The following ZFR variants were observed in gnomAD, a reference collection of about 807,000 sequenced individuals.
ZFR encodes zinc finger RNA-binding protein.
In ZFR, 19 loss-of-function variants were observed where a neutral mutation model predicts 130.7. The ratio of observed to expected loss-of-function variants is 0.15; its 90% CI spans 0.10 to 0.21. ZFR has a LOEUF of 0.21. Among genes scored for constraint, ZFR ranks in the 10% least tolerant of loss-of-function variants. The pLI is 1.00. For missense variants in ZFR, 872 were observed against 1,321.5 expected (o/e 0.66, Z 5.27); for synonymous variants, 466 against 456.9 (o/e 1.02, Z -0.25).
In ZFR at chr5:32,398,297, T is replaced by C. The variant is rs980441585; in HGVS notation, c.1714-959A>G. 3.3e-5 allele frequency among the ~76,000 whole-genome samples: 5 copies of C among 152,232 alleles called. No homozygotes were observed. In the South Asian group the frequency reaches 6.2e-4, roughly 19 times the overall value. ...TGAAAATGAAGATAACGACGAATAA[T>C]AGCATTATTTTGGTATACAAAATTT... On this transcript the variant is annotated intron_variant, in intron 9 of 19. Coordinates refer to ENST00000265069, the MANE Select transcript of ZFR (RefSeq NM_016107.5).
intron 2 of ZFR, 88 bp from the exon 3 acceptor site, chr5:32,420,191 A>G: frequency 7.5e-7 from 1 of 1,334,184 alleles, no homozygotes; most frequent in Non-Finnish European, 9.7e-7. Flanking sequence ...CAACTGAAAT[A>G]AAAAGCACAT....
At chr5:32,421,087 C>T (rs952495629) in intron 2 of ZFR, among the ~76,000 whole-genome samples, 1 of 152,134 alleles carries the variant, frequency 6.6e-6, no homozygotes, top group Non-Finnish European at 1.5e-5. Context: ...AACTTTTAAA[C>T]TGAAAGCCTA....
chr5:32,400,338 T>C, intron 8 of ZFR, 135 bp from the exon 9 acceptor site: 2 of 607,360 alleles, frequency 3.3e-6, no homozygotes, highest in East Asian at 6.4e-5. Context: ...GATGAGAATT[T>C]TGAAGAACTA....
intron 17 of ZFR, among the ~76,000 whole-genome samples, chr5:32,376,893 C>T (rs1319428488): frequency 2.0e-5 from 3 of 150,254 alleles, no homozygotes; most frequent in Non-Finnish European, 3.0e-5. Flanking sequence ...GCAGGAGAAT[C>T]GCTTGAACCC....
intron 9 of ZFR, 82 bp from the exon 10 acceptor site, chr5:32,397,420 T>C (rs1753338958): frequency 5.3e-6 from 8 of 1,515,276 alleles, no homozygotes; most frequent in Non-Finnish European, 7.1e-6. Context: ...TTTGATGAAG[T>C]TGTACACAGT....
chr5:32,372,085 G>A (rs1468185569), intron 17 of ZFR, among the ~76,000 whole-genome samples: 1 of 152,196 alleles, frequency 6.6e-6, no homozygotes, highest in Non-Finnish European at 1.5e-5. Context: ...GAGTGCCATA[G>A]TATATTTGAT....
intron 19 of ZFR, among the ~76,000 whole-genome samples, chr5:32,359,354 T>C (rs2330955): frequency 0.28 from 42,848 of 151,816 alleles, 6,718 homozygotes; most frequent in Middle Eastern, 0.44. Flanking sequence ...TGTCAGTGTA[T>C]TTTATGCATG....
At chr5:32,382,166 C>T (rs988851810) in intron 15 of ZFR, among the ~76,000 whole-genome samples, 2 of 151,976 alleles carry the variant, frequency 1.3e-5, no homozygotes, top group African/African-American at 2.4e-5. Context: ...AGCTGGGTGT[C>T]GTGGCACATG....
intron 5 of ZFR, among the ~76,000 whole-genome samples, chr5:32,410,901 T>C (rs1288072737): frequency 6.6e-6 from 1 of 152,194 alleles, no homozygotes; most frequent in Non-Finnish European, 1.5e-5. Flanking sequence ...AAACAGATAC[T>C]TTATAACTGT....
intron 5 of ZFR, among the ~76,000 whole-genome samples, chr5:32,408,953 C>T (rs560413876): frequency 1.3e-5 from 2 of 152,308 alleles, no homozygotes; most frequent in African/African-American, 2.4e-5. Flanking sequence ...TGGTTTTCCA[C>T]GCATTTTAGC....
At chr5:32,393,913 G>A (rs1753237499) in intron 11 of ZFR, among the ~76,000 whole-genome samples, 1 of 152,242 alleles carries the variant, frequency 6.6e-6, no homozygotes, top group East Asian at 1.9e-4. Flanking sequence ...CTCAAGGAGG[G>A]TCAAGATATT....
chr5:32,406,271 C>G (rs1030964836), intron 6 of ZFR, among the ~76,000 whole-genome samples: 4 of 152,138 alleles, frequency 2.6e-5, no homozygotes, highest in Non-Finnish European at 5.9e-5. Flanking sequence ...CTTCCTTGTT[C>G]CCGAAGTTCC....
chr5:32,444,687 A>C lies in ZFR; in HGVS notation c.-29T>G, dbSNP rs1321403670. The C allele has an allele frequency of 3.3e-6, 5 of 1,505,054 alleles. No individual in the cohort carries two copies. 93.2% of individuals were successfully genotyped at this position (1,505,054 alleles called of 1,614,324 possible). ...CTCGGGCTGCTGCTGCTGAACTCTG[A>C]ACTCTCACCCGCTGCCTCCCTCCTC... On this transcript the variant is annotated 5_prime_UTR_variant, in exon 1 of 20. Coordinates refer to ENST00000265069, the MANE Select transcript of ZFR (RefSeq NM_016107.5).
At chr5:32,403,461 A>G in intron 7 of ZFR, 64 bp from the exon 8 acceptor site, 6 of 1,527,098 alleles carry the variant, frequency 3.9e-6, no homozygotes, top group Non-Finnish European at 5.3e-6. Context: ...GTCTGCCTGG[A>G]ACATTATAAA....
intron 2 of ZFR, among the ~76,000 whole-genome samples, chr5:32,424,489 C>T (rs974881200): frequency 3.3e-5 from 5 of 149,706 alleles, no homozygotes; most frequent in Admixed American, 6.7e-5. Flanking sequence ...CGAGATCGCG[C>T]GCCACTGCAG....
intron 19 of ZFR, among the ~76,000 whole-genome samples, chr5:32,356,579 A>AT (rs952301838): frequency 0.012 from 1,709 of 144,372 alleles, 14 homozygotes; most frequent in African/African-American, 0.015. Flanking sequence ...CGCCTGGCTA[A>AT]TTTTTTTTTT....
chr5:32,372,132 A>T (rs1357351346), intron 17 of ZFR, among the ~76,000 whole-genome samples: 1 of 152,242 alleles, frequency 6.6e-6, no homozygotes, highest in Non-Finnish European at 1.5e-5. Flanking sequence ...TTTGCTAACA[A>T]GGCTGCAGGT....
At chr5:32,370,785 C>T (rs1256817754) in intron 17 of ZFR, among the ~76,000 whole-genome samples, 1 of 152,166 alleles carries the variant, frequency 6.6e-6, no homozygotes, top group Non-Finnish European at 1.5e-5. Context: ...AACATTACAA[C>T]AGAACTCTAC....
intron 2 of ZFR, among the ~76,000 whole-genome samples, chr5:32,442,248 T>C (rs577077676): frequency 6.6e-6 from 1 of 152,298 alleles, no homozygotes; most frequent in Non-Finnish European, 1.5e-5. Context: ...AACACAATCT[T>C]TTCTAGACGG....
Sources: gnomAD v4.1 joint callset for allele counts (sites outside exome capture counted in the v4.1 genomes callset) on GRCh38, gnomAD v4.1.1 for gene constraint, MANE v1.5 for transcripts, NCBI Gene and HGNC (gene_info 2026-07-23, HGNC 2026-07-21) for gene names.